NMNAT2: variants seen among roughly 807,000 people sequenced by gnomAD.
NMNAT2 encodes nicotinamide/nicotinic acid mononucleotide adenylyltransferase 2.
Under a neutral mutation model 41.6 loss-of-function variants are expected in NMNAT2, and 11 were observed. The observed-to-expected ratio is 0.26, with a 90% confidence interval of 0.17 to 0.44. The LOEUF (loss-of-function observed/expected upper bound fraction) is 0.44, where lower values mean the gene tolerates loss of function less well. Ranked by LOEUF, NMNAT2 falls within the 20% of genes least tolerant of loss-of-function variation. The pLI is 1.00. For synonymous variants in NMNAT2, 148 were observed against 151.2 expected, an observed-to-expected ratio of 0.98 and a Z score of 0.16; for missense variants, 288 against 407.7, an observed-to-expected ratio of 0.71 and a Z score of 2.53.
chr1:183,417,811 T>A (rs959392408), intron 1 of NMNAT2, among the ~76,000 whole-genome samples: 3 of 151,922 alleles, frequency 2.0e-5, no homozygotes, highest in Non-Finnish European at 2.9e-5. Flanking sequence ...CCTCCCCTAC[T>A]CGGCGCCCCA....
intron 1 of NMNAT2, among the ~76,000 whole-genome samples, chr1:183,309,628 G>T (rs979985370): frequency 3.3e-5 from 5 of 152,206 alleles, no homozygotes; most frequent in African/African-American, 1.2e-4. Context: ...GTTTTGTTAT[G>T]ATTGTATTCA....
intron 2 of NMNAT2, among the ~76,000 whole-genome samples, chr1:183,293,226 G>T (rs957470434): frequency 1.3e-5 from 2 of 152,232 alleles, no homozygotes; most frequent in African/African-American, 4.8e-5. Flanking sequence ...TGCATCTGTG[G>T]GAGAAAGGGG....
chr1:183,326,191 CAT>C (rs915219719), intron 1 of NMNAT2, among the ~76,000 whole-genome samples: 1 of 151,918 alleles, frequency 6.6e-6, no homozygotes, highest in African/African-American at 2.4e-5. Flanking sequence ...GCCTGGCCAA[CAT>C]GGAGAAACCC....
chr1:183,417,720 G>A (rs187797902), intron 1 of NMNAT2, among the ~76,000 whole-genome samples: 1 of 152,286 alleles, frequency 6.6e-6, no homozygotes, highest in Non-Finnish European at 1.5e-5. Context: ...GTGTGTTTGC[G>A]AATCCCAGGC....
At chr1:183,380,893 A>C (rs1663790453) in intron 1 of NMNAT2, among the ~76,000 whole-genome samples, 1 of 152,160 alleles carries the variant, frequency 6.6e-6, no homozygotes, top group South Asian at 2.1e-4. Context: ...TTGTGCAGGT[A>C]ATTGGGAGCC....
chr1:183,335,628 T>C (rs1026312310), intron 1 of NMNAT2, among the ~76,000 whole-genome samples: 2 of 152,172 alleles, frequency 1.3e-5, no homozygotes, highest in African/African-American at 4.8e-5. Context: ...TTGGGAAAAA[T>C]AGAACTTCCC....
chr1:183,330,376 G>A (rs553632164), intron 1 of NMNAT2, among the ~76,000 whole-genome samples: 16 of 152,326 alleles, frequency 1.1e-4, no homozygotes, highest in African/African-American at 3.8e-4. Flanking sequence ...CGTCAATTGA[G>A]CAGAGGCCCT....
chr1:183,270,990 CAGTT>C (rs1404451401), intron 8 of NMNAT2, among the ~76,000 whole-genome samples: 4 of 152,130 alleles, frequency 2.6e-5, no homozygotes, highest in African/African-American at 9.7e-5. Context: ...ATGTAGGAAG[CAGTT>C]AGCCCACGGC....
At chr1:183,265,258 C>CTTTTTT (rs67117635) in intron 8 of NMNAT2, among the ~76,000 whole-genome samples, 79 of 64,584 alleles carry the variant, frequency 1.2e-3, no homozygotes, top group African/African-American at 1.7e-3. Context: ...TCTTCTTCTT[C>CTTTTTT]TTTTTTTTTT....
rs536514625 is a variant in NMNAT2, at chr1:183,368,115, T to A, written c.85+50068A>T. On this transcript the variant is annotated intron_variant, in intron 1 of 10. Coordinates refer to ENST00000287713, the MANE Select transcript of NMNAT2 (RefSeq NM_015039.4). ...TTCTAATTTATTTACTAAACAAATTTAGGAATTAATATTTATTATATAAAA... is the reference window on the plus strand; with the variant it reads ...TTCTAATTTATTTACTAAACAAATTAAGGAATTAATATTTATTATATAAAA... Among the ~76,000 whole-genome samples, 46 of 152,338 alleles carry A rather than the reference T, an allele frequency of 3.0e-4. No homozygotes were observed. In the South Asian group the frequency reaches 9.1e-3, roughly 30 times the overall value.
At chr1:183,344,088 GT>G (rs548525320) in intron 1 of NMNAT2, among the ~76,000 whole-genome samples, 35 of 152,106 alleles carry the variant, frequency 2.3e-4, no homozygotes, top group Non-Finnish European at 4.0e-4. Flanking sequence ...CAAGCCTTGG[GT>G]TAAATGCTGA....
chr1:183,314,323 C>G (rs1662193875), intron 1 of NMNAT2, among the ~76,000 whole-genome samples: 1 of 152,204 alleles, frequency 6.6e-6, no homozygotes, highest in African/African-American at 2.4e-5. Flanking sequence ...ACCTTGGTAA[C>G]CCCTGCCAAC....
intron 1 of NMNAT2, among the ~76,000 whole-genome samples, chr1:183,326,928 T>A (rs921974736): frequency 1.1e-4 from 16 of 151,922 alleles, no homozygotes; most frequent in African/African-American, 3.9e-4. Flanking sequence ...CCAAGAAAAA[T>A]TAATGAATAG....
At chr1:183,267,188 G>C (rs1660839061) in intron 8 of NMNAT2, 1 of 152,326 alleles carries the variant, frequency 6.6e-6, no homozygotes, top group Non-Finnish European at 1.5e-5. Context: ...TGAAGGTAGT[G>C]GCTCTGGAAA....
chr1:183,396,559 C>T (rs1571637644), intron 1 of NMNAT2, among the ~76,000 whole-genome samples: 1 of 152,112 alleles, frequency 6.6e-6, no homozygotes, highest in East Asian at 1.9e-4. Flanking sequence ...TATATAACTC[C>T]AGTAAGCACA....
chr1:183,400,154 T>C (rs979199172), intron 1 of NMNAT2, among the ~76,000 whole-genome samples: 14 of 152,182 alleles, frequency 9.2e-5, no homozygotes, highest in African/African-American at 3.4e-4. Context: ...GATTGTATAT[T>C]TAGAAAACCC....
chr1:183,349,311 A>T (rs948880086), intron 1 of NMNAT2, among the ~76,000 whole-genome samples: 8 of 152,254 alleles, frequency 5.3e-5, no homozygotes, highest in Non-Finnish European at 1.2e-4. Flanking sequence ...CAGCCTGGGA[A>T]GAGCTGTCCA....
intron 10 of NMNAT2, among the ~76,000 whole-genome samples, chr1:183,253,703 C>T (rs1050354394): frequency 3.3e-5 from 5 of 152,134 alleles, no homozygotes; most frequent in South Asian, 2.1e-4. Flanking sequence ...TATCTCCCCA[C>T]TTTCAGCCCT....
At chr1:183,323,204 T>C (rs1208208596) in intron 1 of NMNAT2, among the ~76,000 whole-genome samples, 1 of 152,154 alleles carries the variant, frequency 6.6e-6, no homozygotes, top group Non-Finnish European at 1.5e-5. Flanking sequence ...AGTGCTGGGA[T>C]TACAGGCGTG....
Sources: allele counts gnomAD v4.1 joint callset (sites outside exome capture counted in the v4.1 genomes callset), GRCh38; gene constraint gnomAD v4.1.1; transcripts MANE v1.5; gene names NCBI Gene and HGNC (gene_info 2026-07-23, HGNC 2026-07-21).